Variants in MORN5 observed in about 807,000 individuals in gnomAD.
MORN5 encodes MORN repeat-containing protein 5.
Under a neutral mutation model 22.1 loss-of-function variants are expected in MORN5, and 21 were observed. The ratio of observed to expected loss-of-function variants is 0.95; its 90% CI spans 0.67 to 1.37. The LOEUF (loss-of-function observed/expected upper bound fraction) is 1.37. Among genes scored for constraint, MORN5 ranks in the 40% most tolerant of loss-of-function variants. The pLI is 0.00. For synonymous variants in MORN5, 73 were observed against 74.0 expected (o/e 0.99, Z 0.07); for missense variants, 211 against 215.1 (o/e 0.98, Z 0.12).
At chr9:122,174,331 G>T (rs1829411832) in intron 3 of MORN5, among the ~76,000 whole-genome samples, 165 bp from the exon 4 acceptor site, 1 of 152,170 alleles carries the variant, frequency 6.6e-6, no homozygotes, top group South Asian at 2.1e-4. Flanking sequence ...TTCCTTTGGG[G>T]CACCGTTTCT....
At chr9:122,174,386 A>T (rs919929276) in intron 3 of MORN5, 110 bp from the exon 4 acceptor site, 4 of 1,285,030 alleles carry the variant, frequency 3.1e-6, no homozygotes, top group Non-Finnish European at 4.3e-6. Flanking sequence ...TTAGTTCAAC[A>T]GGGGAGCCAG....
chr9:122,199,878 C>G lies in MORN5; in HGVS notation c.440-7C>G. The G allele has an allele frequency of 6.2e-7, 1 of 1,613,920 alleles. No individual in the cohort carries two copies. Among genetic ancestry groups the G allele is most frequent in the Non-Finnish European group, 8.5e-7 (1 of 1,179,816 alleles). On this transcript the variant is annotated splice_region_variant and splice_polypyrimidine_tract_variant and intron_variant, in intron 4 of 4. Transcript: ENST00000373764. Reference sequence around the variant, plus strand: ...AAGCATGACCAGCTCTTCCTCTTTCCTTGCAGATGATGACGAGCATGAGTG... The same window carrying G: ...AAGCATGACCAGCTCTTCCTCTTTCGTTGCAGATGATGACGAGCATGAGTG...
intron 4 of MORN5, chr9:122,175,617 T>TAC (rs3048170): frequency 1.3e-4 from 126 of 945,490 alleles, no homozygotes; most frequent in Non-Finnish European, 1.5e-4. Flanking sequence ...CGCACATGCA[T>TAC]ACACACACAC....
At position 122,184,113 on chromosome 9, in the gene MORN5, C is replaced by A. The variant is rs115242715; in HGVS notation, c.439+9486C>A. Among the ~76,000 whole-genome samples the A allele has an allele frequency of 4.4e-3, 666 of 152,250 alleles. 5 individuals carry two copies. Among genetic ancestry groups the A allele is most frequent in the African/African-American group, 0.014 (588 of 41,526 alleles). ...GACTGAGCTTTTGCCATGCACCAGA[C>A]CCTCAACCAAGGGGTAGGGAGTACT... On this transcript the variant is annotated intron_variant, in intron 4 of 4. Coordinates refer to ENST00000373764, the MANE Select transcript of MORN5 (RefSeq NM_198469.4).
intron 4 of MORN5, chr9:122,175,417 A>T: frequency 3.1e-6 from 3 of 962,586 alleles, no homozygotes; most frequent in Non-Finnish European, 3.7e-6. Context: ...GACTGAGAAG[A>T]ACCCATTTAC....
intron 4 of MORN5, among the ~76,000 whole-genome samples, chr9:122,194,450 G>A (rs1829840960): frequency 6.6e-6 from 1 of 152,166 alleles, no homozygotes; most frequent in African/African-American, 2.4e-5. Flanking sequence ...AAAATAAAAT[G>A]AAGACAAGAT....
intron 4 of MORN5, among the ~76,000 whole-genome samples, chr9:122,187,655 C>T (rs1829665138): frequency 6.6e-6 from 1 of 152,178 alleles, no homozygotes; most frequent in African/African-American, 2.4e-5. Context: ...ACTCCCACCC[C>T]TCGAAATATA....
At position 122,175,357 on chromosome 9, in the gene MORN5, C is replaced by A. The variant is rs116443876; in HGVS notation, c.439+730C>A. 4.3e-3 allele frequency: 2,547 copies of A among 594,398 alleles called. 56 individuals carry two copies. The African/African-American group carries it at 0.048, about 11-fold the overall frequency. The allele number at this position is 594,398 out of a possible 1,614,324, so 36.8% of individuals were successfully genotyped here. On this transcript the variant is annotated intron_variant, in intron 4 of 4. Coordinates refer to ENST00000373764, the MANE Select transcript of MORN5 (RefSeq NM_198469.4). ...CATCCTTTAGCCAGGGGAGTAGGTA[C>A]CTTGGAGGATCCAGAACCTCAGTTT...
Position 122,160,173 on chromosome 9 carries a change from A to G in MORN5, c.47+154A>G, listed in dbSNP as rs112338440. Among the ~76,000 whole-genome samples, 559 of 152,358 alleles carry G rather than the reference A, an allele frequency of 3.7e-3. 7 individuals are homozygous for G. Among genetic ancestry groups the G allele is most frequent in the African/African-American group, 0.011 (454 of 41,588 alleles). ...ACCATATCTAATAAGCAGCAAAGCTAAGATGCATTCATTCCATATATACTT... is the reference window on the plus strand; with the variant it reads ...ACCATATCTAATAAGCAGCAAAGCTGAGATGCATTCATTCCATATATACTT... On this transcript the variant is annotated intron_variant, in intron 1 of 4. Transcript: ENST00000373764.
Position 122,193,919 on chromosome 9 carries a change from C to T in MORN5, c.440-5966C>T, listed in dbSNP as rs576039988. On this transcript the variant is annotated intron_variant, in intron 4 of 4. Coordinates refer to ENST00000373764, the MANE Select transcript of MORN5 (RefSeq NM_198469.4). Reference sequence around the variant, plus strand: ...AGGCCTGGGAAGCAGGGGAACCTGGCGACCTTGAAGGCCAGGCTGAGGAGT... The same window carrying T: ...AGGCCTGGGAAGCAGGGGAACCTGGTGACCTTGAAGGCCAGGCTGAGGAGT... 1.0e-3 allele frequency among the ~76,000 whole-genome samples: 159 copies of T among 152,302 alleles called. 5 individuals are homozygous for T. The highest frequency in any genetic ancestry group is 9.0e-3 in the Admixed American group (138 of 15,302).
At chr9:122,172,991 G>T (rs1829387647) in intron 3 of MORN5, among the ~76,000 whole-genome samples, 1 of 152,210 alleles carries the variant, frequency 6.6e-6, no homozygotes, top group Admixed American at 6.5e-5. Flanking sequence ...AATTAGTTAT[G>T]ATGGGAGGCC....
chr9:122,164,848 A>G (rs1250268560), intron 1 of MORN5, among the ~76,000 whole-genome samples: 2 of 152,238 alleles, frequency 1.3e-5, no homozygotes, highest in Non-Finnish European at 2.9e-5. Context: ...GCATTCTGCT[A>G]TAGTTTCACA....
chr9:122,186,606 C>T (rs576868875), intron 4 of MORN5, among the ~76,000 whole-genome samples: 1 of 152,244 alleles, frequency 6.6e-6, no homozygotes, highest in South Asian at 2.1e-4. Context: ...TCCTCTCTCC[C>T]CACCCCAGTT....
intron 1 of MORN5, 132 bp downstream of exon 1, chr9:122,160,151 A>C (rs1259550541): frequency 1.4e-6 from 1 of 724,116 alleles, no homozygotes; most frequent in Non-Finnish European, 2.4e-6. Flanking sequence ...TTCAAGGACC[A>C]TATCTAATAA....
At chr9:122,162,595 G>A (rs1324214196) in intron 1 of MORN5, among the ~76,000 whole-genome samples, 1 of 152,166 alleles carries the variant, frequency 6.6e-6, no homozygotes, top group Non-Finnish European at 1.5e-5. Flanking sequence ...GGGGAATGAA[G>A]AAACTAATTG....
chr9:122,162,010 T>G (rs552491791), intron 1 of MORN5, among the ~76,000 whole-genome samples: 54 of 152,366 alleles, frequency 3.5e-4, no homozygotes, highest in African/African-American at 1.2e-3. Context: ...TGTGTTGTTC[T>G]GTACTGATTT....
chr9:122,164,661 T>C (rs780074464), intron 1 of MORN5: 2 of 984,542 alleles, frequency 2.0e-6, no homozygotes, highest in Non-Finnish European at 2.4e-6. Flanking sequence ...AGAAAAGGGG[T>C]GGGGTCTAAC....
intron 1 of MORN5, among the ~76,000 whole-genome samples, chr9:122,163,304 A>G (rs1478885047): frequency 2.0e-5 from 3 of 152,194 alleles, no homozygotes; most frequent in Admixed American, 6.5e-5. Flanking sequence ...TACAGATGGG[A>G]AAAGTAAGGC....
intron 4 of MORN5, among the ~76,000 whole-genome samples, chr9:122,185,948 G>A (rs1380675795): frequency 6.6e-6 from 1 of 152,188 alleles, no homozygotes; most frequent in African/African-American, 2.4e-5. Flanking sequence ...TCCCTCCAGC[G>A]AGACAAAAGG....
Sources: gnomAD v4.1 joint callset for allele counts (sites outside exome capture counted in the v4.1 genomes callset) on GRCh38, gnomAD v4.1.1 for gene constraint, MANE v1.5 for transcripts, NCBI Gene and HGNC (gene_info 2026-07-23, HGNC 2026-07-21) for gene names.